Variants in ASTN1 observed in about 807,000 individuals in gnomAD.
The protein encoded by ASTN1 is astrotactin-1.
A neutral mutation model predicts 140.7 loss-of-function variants in ASTN1; 41 were observed. The ratio of observed to expected loss-of-function variants is 0.29; its 90% CI spans 0.23 to 0.38. ASTN1 has a LOEUF of 0.38. ASTN1 is among the 10% of genes least tolerant of loss of function. The pLI is 1.00. For synonymous variants in ASTN1, 640 were observed against 652.2 expected, an observed-to-expected ratio of 0.98 and a Z score of 0.29; for missense variants, 1,479 against 1,678.8, an observed-to-expected ratio of 0.88 and a Z score of 2.08.
intron 4 of ASTN1, among the ~76,000 whole-genome samples, chr1:177,029,985 C>A (rs1479146868): frequency 6.6e-6 from 1 of 152,230 alleles, no homozygotes; most frequent in Admixed American, 6.5e-5. Context: ...AGGGCCATTT[C>A]TGGCACCTAT....
intron 16 of ASTN1, among the ~76,000 whole-genome samples, chr1:176,901,083 C>T (rs1247942099): frequency 1.3e-5 from 2 of 152,074 alleles, no homozygotes; most frequent in Non-Finnish European, 2.9e-5. Flanking sequence ...GGTTTAAATT[C>T]GTCTGGGGCA....
chr1:177,037,161 T>C (rs1029407448), intron 2 of ASTN1, among the ~76,000 whole-genome samples: 3 of 152,186 alleles, frequency 2.0e-5, no homozygotes, highest in Non-Finnish European at 4.4e-5. Context: ...CAGAGAATTT[T>C]AAGCAGTTTC....
chr1:177,160,773 T>G (rs1647311251), intron 1 of ASTN1, among the ~76,000 whole-genome samples: 1 of 152,248 alleles, frequency 6.6e-6, no homozygotes. Context: ...ATGCTAAGGC[T>G]CATGTGCCTA....
chr1:177,093,482 T>C (rs936589658), intron 1 of ASTN1, among the ~76,000 whole-genome samples: 1 of 152,088 alleles, frequency 6.6e-6, no homozygotes, highest in Non-Finnish European at 1.5e-5. Flanking sequence ...CTAAAAAAAA[T>C]TGCAAAATTC....
chr1:176,965,933 T>G (rs1672861681), intron 8 of ASTN1, among the ~76,000 whole-genome samples: 1 of 152,208 alleles, frequency 6.6e-6, no homozygotes, highest in Admixed American at 6.5e-5. Flanking sequence ...CTGTAATTCC[T>G]TCTAGTGAAC....
chr1:177,023,525 G>C lies in ASTN1; in HGVS notation c.1317C>G (p.Asp439Glu). ...GAACCACTTGGGCAGGGTTCAGCCAGTCACTGGCATCCAGCTGGCTCCCCT... is the reference window on the plus strand; with the variant it reads ...GAACCACTTGGGCAGGGTTCAGCCACTCACTGGCATCCAGCTGGCTCCCCT... ...LLEGSQLDAS[D>E]WLNPAQVVLF... The change falls in exon 7 of 23, where the codon GAC (aspartate) becomes GAG (glutamate). Residue 439 changes from aspartate (D) to glutamate (E), a missense_variant. This residue lies in a region of ASTN1 where 729 missense variants were observed against 860.4 expected (regional missense o/e 0.85). Coordinates refer to ENST00000361833, the MANE Select transcript of ASTN1 (RefSeq NM_004319.3). The C allele has an allele frequency of 6.2e-7, 1 of 1,606,736 alleles. No individual in the cohort carries two copies. The highest frequency in any genetic ancestry group is 1.1e-5 in the South Asian group (1 of 89,930).
intron 16 of ASTN1, among the ~76,000 whole-genome samples, chr1:176,900,001 C>T (rs1247544611): frequency 2.0e-5 from 3 of 152,152 alleles, no homozygotes; most frequent in Non-Finnish European, 4.4e-5. Flanking sequence ...ACCTTTGAAA[C>T]GTCTTTGCCT....
chr1:176,977,113 G>A (rs1415734790), intron 8 of ASTN1, among the ~76,000 whole-genome samples: 3 of 152,188 alleles, frequency 2.0e-5, no homozygotes. Flanking sequence ...CTACATTTCT[G>A]TGATTTTATG....
At chr1:177,090,170 C>T (rs1193670491) in intron 1 of ASTN1, among the ~76,000 whole-genome samples, 2 of 151,660 alleles carry the variant, frequency 1.3e-5, no homozygotes, top group African/African-American at 4.8e-5. Context: ...AGCCAACCAC[C>T]ACAATATGAT....
At chr1:176,957,904 C>A in intron 10 of ASTN1, 76 bp from the exon 11 acceptor site, 1 of 1,488,494 alleles carries the variant, frequency 6.7e-7, no homozygotes, top group Non-Finnish European at 9.1e-7. Flanking sequence ...ACATTCCATG[C>A]TCCTATCTAG....
intron 1 of ASTN1, among the ~76,000 whole-genome samples, chr1:177,141,292 GA>G (rs1427707525): frequency 6.6e-6 from 1 of 152,080 alleles, no homozygotes; most frequent in East Asian, 1.9e-4. Flanking sequence ...GCTAATAGAG[GA>G]AAAGTACTTA....
intron 8 of ASTN1, among the ~76,000 whole-genome samples, chr1:177,013,443 C>A (rs1216793465): frequency 2.6e-5 from 4 of 152,182 alleles, no homozygotes; most frequent in Non-Finnish European, 5.9e-5. Context: ...GAGTTGAGTT[C>A]TTCTATCCCT....
At chr1:177,020,086 C>T (rs1268051524) in intron 7 of ASTN1, among the ~76,000 whole-genome samples, 1 of 152,062 alleles carries the variant, frequency 6.6e-6, no homozygotes, top group African/African-American at 2.4e-5. Flanking sequence ...GGGGTTTATG[C>T]CATGTTGTCC....
chr1:176,925,960 C>T (rs1231802275), intron 16 of ASTN1, among the ~76,000 whole-genome samples: 1 of 152,050 alleles, frequency 6.6e-6, no homozygotes, highest in Non-Finnish European at 1.5e-5. Flanking sequence ...TGCCCGGCAC[C>T]ACGCCCAGCT....
At position 177,035,360 on chromosome 1, in the gene ASTN1, T is replaced by C. The variant is rs555249611; in HGVS notation, c.472-2511A>G. Among the ~76,000 whole-genome samples the C allele has an allele frequency of 2.6e-5, 4 of 152,316 alleles. No individual in the cohort carries two copies. The South Asian group carries it at 8.3e-4, about 32-fold the overall frequency. ...AGAGGACAGAATAGGAGAGTATGGA[T>C]GAATACATCCAGACCCATTGTCAGT... On this transcript the variant is annotated intron_variant, in intron 2 of 22. Transcript: ENST00000361833.
chr1:177,024,818 A>G (rs532442729), intron 5 of ASTN1, 86 bp from the exon 6 acceptor site: 20 of 1,466,154 alleles, frequency 1.4e-5, no homozygotes, highest in Admixed American at 3.7e-5. Context: ...TCATCCTGGC[A>G]AACAGGGGAG....
intron 8 of ASTN1, among the ~76,000 whole-genome samples, chr1:177,000,001 T>C (rs1674649040): frequency 6.6e-6 from 1 of 152,228 alleles, no homozygotes; most frequent in Non-Finnish European, 1.5e-5. Flanking sequence ...AATACGAATG[T>C]ATGTTAATTA....
At chr1:177,077,763 C>G (rs905468706) in intron 1 of ASTN1, among the ~76,000 whole-genome samples, 3 of 152,154 alleles carry the variant, frequency 2.0e-5, no homozygotes, top group African/African-American at 4.8e-5. Context: ...CTGGGGTAAG[C>G]TGCCTCCTCC....
intron 15 of ASTN1, 48 bp from the exon 16 acceptor site, chr1:176,934,388 G>A (rs556012495): frequency 5.2e-6 from 8 of 1,526,666 alleles, no homozygotes; most frequent in African/African-American, 4.1e-5. Flanking sequence ...TCAGATTTTG[G>A]GTATACGGAT....
Sources: allele counts gnomAD v4.1 joint callset (sites outside exome capture counted in the v4.1 genomes callset), GRCh38; gene constraint gnomAD v4.1.1; regional missense constraint gnomAD v4.1.1; transcripts MANE v1.5; gene names NCBI Gene and HGNC (gene_info 2026-07-23, HGNC 2026-07-21).